Variants in IGSF21 observed in about 807,000 individuals in gnomAD.
IGSF21 encodes immunoglobulin superfamily member 21.
A neutral mutation model predicts 46.8 loss-of-function variants in IGSF21; 28 were observed. The ratio of observed to expected loss-of-function variants is 0.60; its 90% confidence interval spans 0.44 to 0.82. The LOEUF is 0.82. IGSF21 is among the 40% of genes least tolerant of loss of function. The pLI is 0.00. For missense variants in IGSF21, 624 were observed against 665.5 expected, an observed-to-expected ratio of 0.94 and a Z score of 0.69; for synonymous variants, 284 against 273.6, an observed-to-expected ratio of 1.04 and a Z score of -0.38.
chr1:18,301,683 G>A (rs2085363502), intron 3 of IGSF21, among the ~76,000 whole-genome samples: 1 of 152,182 alleles, frequency 6.6e-6, no homozygotes, highest in African/African-American at 2.4e-5. Context: ...AGGTCACTTA[G>A]TAGGGGAGAC....
intron 1 of IGSF21, among the ~76,000 whole-genome samples, chr1:18,197,075 C>G (rs1024841456): frequency 2.0e-5 from 3 of 152,228 alleles, no homozygotes; most frequent in African/African-American, 7.2e-5. Flanking sequence ...TGAAAAATGA[C>G]TTTTCAGGCA....
intron 3 of IGSF21, among the ~76,000 whole-genome samples, chr1:18,296,245 A>G (rs934277335): frequency 5.9e-5 from 9 of 152,098 alleles, no homozygotes; most frequent in African/African-American, 9.7e-5. Context: ...CCTTGTTTCA[A>G]GGTCTACTCT....
intron 4 of IGSF21, among the ~76,000 whole-genome samples, chr1:18,344,625 G>T (rs918316633): frequency 2.3e-4 from 35 of 152,210 alleles, no homozygotes; most frequent in Middle Eastern, 3.4e-3. Context: ...TGGGGGAAGT[G>T]GGGCTTCTTC....
intron 1 of IGSF21, among the ~76,000 whole-genome samples, chr1:18,184,808 G>A (rs546472880): frequency 6.6e-6 from 1 of 152,262 alleles, no homozygotes; most frequent in East Asian, 1.9e-4. Flanking sequence ...CCCTGTCTTT[G>A]TACTTGGCAT....
At chr1:18,339,741 A>C (rs1342567774) in intron 4 of IGSF21, among the ~76,000 whole-genome samples, 1 of 152,186 alleles carries the variant, frequency 6.6e-6, no homozygotes, top group African/African-American at 2.4e-5. Context: ...AAACAAAACC[A>C]AACCAATAAA....
At chr1:18,299,192 G>A (rs2085339070) in intron 3 of IGSF21, among the ~76,000 whole-genome samples, 1 of 152,214 alleles carries the variant, frequency 6.6e-6, no homozygotes, top group South Asian at 2.1e-4. Flanking sequence ...GGCATGGCAA[G>A]AGGAAATTGA....
rs1198323742 is a variant in IGSF21, at chr1:18,208,399, T to A, written c.71-19499T>A. On this transcript the variant is annotated intron_variant, in intron 1 of 9. Transcript: ENST00000251296. The stretch of plus-strand genomic sequence containing the variant: ...ATAATATATATATATATATATATTT[T>A]TTGAGACGGAGTCTTGCTGTCTCCC... Among the ~76,000 whole-genome samples the A allele has an allele frequency of 1.0e-2, 172 of 17,220 alleles. 4 individuals carry two copies. Among genetic ancestry groups the A allele is most frequent in the Admixed American group, 0.014 (31 of 2,164 alleles). The allele number at this position is 17,220 out of a possible 152,430, so 11.3% of individuals were successfully genotyped here. A position where few individuals can be genotyped will look rare whatever the true frequency, so the allele number is the denominator to read the frequency against.
chr1:18,145,678 T>TG (rs1570265945), intron 1 of IGSF21, among the ~76,000 whole-genome samples: 1 of 151,918 alleles, frequency 6.6e-6, no homozygotes, highest in African/African-American at 2.4e-5. Context: ...AACAGAAGGG[T>TG]GGGGAGGGAC....
intron 6 of IGSF21, among the ~76,000 whole-genome samples, chr1:18,367,039 C>A (rs1349539823): frequency 3.8e-4 from 58 of 152,168 alleles, no homozygotes; most frequent in Non-Finnish European, 7.4e-5. Flanking sequence ...TGATTTGCAG[C>A]CCCCAGCAGC....
At chr1:18,373,625 T>C (rs2086250739) in intron 6 of IGSF21, among the ~76,000 whole-genome samples, 1 of 152,148 alleles carries the variant, frequency 6.6e-6, no homozygotes, top group Admixed American at 6.5e-5. Context: ...CAGGATCAGA[T>C]GCACACAGGA....
chr1:18,127,979 C>T (rs540494039), intron 1 of IGSF21, among the ~76,000 whole-genome samples: 59 of 152,220 alleles, frequency 3.9e-4, no homozygotes, highest in African/African-American at 1.3e-3. Flanking sequence ...ATTTAATTCA[C>T]GGTGGGCTCC....
chr1:18,306,693 G>C (rs767471303), intron 3 of IGSF21, among the ~76,000 whole-genome samples: 4 of 152,190 alleles, frequency 2.6e-5, no homozygotes, highest in Non-Finnish European at 4.4e-5. Flanking sequence ...AGCTGGCATT[G>C]AGCAGAGAGG....
At chr1:18,376,280 C>G in intron 6 of IGSF21, 30 bp from the exon 7 acceptor site, 1 of 1,476,202 alleles carries the variant, frequency 6.8e-7, no homozygotes, top group Non-Finnish European at 9.5e-7. Context: ...TTTCCTTACT[C>G]TCTCTGACCT....
chr1:18,268,551 G>C (rs1229468415), intron 2 of IGSF21, among the ~76,000 whole-genome samples: 1 of 152,202 alleles, frequency 6.6e-6, no homozygotes, highest in African/African-American at 2.4e-5. Flanking sequence ...GATATGTCTG[G>C]AAAGACACCC....
chr1:18,280,304 G>T (rs997415472), intron 2 of IGSF21, among the ~76,000 whole-genome samples: 1 of 152,070 alleles, frequency 6.6e-6, no homozygotes, highest in Non-Finnish European at 1.5e-5. Context: ...AAGAGGGGCT[G>T]GAAAAGTGGT....
intron 2 of IGSF21, among the ~76,000 whole-genome samples, chr1:18,289,815 G>C (rs2085249251): frequency 1.3e-5 from 2 of 152,188 alleles, no homozygotes; most frequent in Admixed American, 6.5e-5. Context: ...GTCCCCTGGT[G>C]GTTAGGGTGA....
chr1:18,158,763 T>C (rs2086589869), intron 1 of IGSF21, among the ~76,000 whole-genome samples: 2 of 152,250 alleles, frequency 1.3e-5, no homozygotes, highest in African/African-American at 4.8e-5. Context: ...TGAGCCATGT[T>C]CTTCAGGCTA....
intron 3 of IGSF21, among the ~76,000 whole-genome samples, chr1:18,295,161 C>A (rs2085300951): frequency 6.6e-6 from 1 of 152,118 alleles, no homozygotes; most frequent in Non-Finnish European, 1.5e-5. Flanking sequence ...AGGACTTCTG[C>A]CCCCAGGGGG....
At chr1:18,301,088 C>G (rs1440539358) in intron 3 of IGSF21, among the ~76,000 whole-genome samples, 1 of 152,228 alleles carries the variant, frequency 6.6e-6, no homozygotes, top group Non-Finnish European at 1.5e-5. Flanking sequence ...AACCCATCAT[C>G]TGGTTTAACC....
Sources: allele counts gnomAD v4.1 joint callset (sites outside exome capture counted in the v4.1 genomes callset), GRCh38; gene constraint gnomAD v4.1.1; transcripts MANE v1.5; gene names NCBI Gene and HGNC (gene_info 2026-07-23, HGNC 2026-07-21).